The following SLC9A9 variants were observed in gnomAD, a reference collection of about 807,000 sequenced individuals.
SLC9A9 encodes the protein sodium/hydrogen exchanger 9.
Under a neutral mutation model 77.8 loss-of-function variants are expected in SLC9A9, and 62 were observed. The observed-to-expected ratio is 0.80, with a 90% CI of 0.65 to 0.98. SLC9A9 has a LOEUF of 0.98. Ranked by LOEUF, SLC9A9 falls within the 50% of genes least tolerant of loss-of-function variation. The pLI is 0.00. For synonymous variants in SLC9A9, 320 were observed against 283.5 expected, an observed-to-expected ratio of 1.13 and a Z score of -1.29; for missense variants, 775 against 774.9, an observed-to-expected ratio of 1.00 and a Z score of 0.00.
At chr3:143,777,314 T>G (rs1266155828) in intron 4 of SLC9A9, among the ~76,000 whole-genome samples, 1 of 152,190 alleles carries the variant, frequency 6.6e-6, no homozygotes, top group Non-Finnish European at 1.5e-5. Context: ...AGTATCAAAC[T>G]CTCTCTTCTG....
At chr3:143,739,135 TTTCTG>T (rs1219239257) in intron 4 of SLC9A9, among the ~76,000 whole-genome samples, 1 of 152,132 alleles carries the variant, frequency 6.6e-6, no homozygotes, top group African/African-American at 2.4e-5. Context: ...TGCCTTTGTC[TTTCTG>T]AAGACCAGTC....
chr3:143,410,449 A>C (rs2034075774), intron 12 of SLC9A9, among the ~76,000 whole-genome samples: 1 of 151,792 alleles, frequency 6.6e-6, no homozygotes. Flanking sequence ...ATCACCTTCC[A>C]CCTCATTACC....
intron 12 of SLC9A9, among the ~76,000 whole-genome samples, chr3:143,395,434 T>A (rs944075270): frequency 1.3e-5 from 2 of 152,186 alleles, no homozygotes; most frequent in South Asian, 4.1e-4. Flanking sequence ...TTACACCTTA[T>A]ACAAAAATTA....
chr3:143,802,154 A>G (rs2008581008), intron 2 of SLC9A9, among the ~76,000 whole-genome samples: 1 of 152,044 alleles, frequency 6.6e-6, no homozygotes, highest in African/African-American at 2.4e-5. Flanking sequence ...CCACCTGTCA[A>G]TCTCTTTCCA....
chr3:143,297,535 TA>T (rs1375714657), intron 14 of SLC9A9, among the ~76,000 whole-genome samples: 1 of 152,232 alleles, frequency 6.6e-6, no homozygotes, highest in African/African-American at 2.4e-5. Flanking sequence ...TGTGGTTCCA[TA>T]TGAATTTTGG....
At chr3:143,378,101 CT>C (rs2033221919) in intron 13 of SLC9A9, among the ~76,000 whole-genome samples, 1 of 152,220 alleles carries the variant, frequency 6.6e-6, no homozygotes, top group African/African-American at 2.4e-5. Flanking sequence ...CTCTGACCTG[CT>C]TTACTGTGAT....
chr3:143,625,561 T>C (rs2038307002), intron 6 of SLC9A9, among the ~76,000 whole-genome samples: 1 of 151,574 alleles, frequency 6.6e-6, no homozygotes, highest in South Asian at 2.1e-4. Context: ...TGGCTAGCCA[T>C]ATGTAGAAAG....
chr3:143,732,604 T>C (rs1448158495), intron 4 of SLC9A9, among the ~76,000 whole-genome samples: 3 of 152,230 alleles, frequency 2.0e-5, no homozygotes, highest in Non-Finnish European at 2.9e-5. Flanking sequence ...CCACTCTGAC[T>C]TTAACGTCTC....
intron 9 of SLC9A9, among the ~76,000 whole-genome samples, chr3:143,507,908 G>T (rs972507609): frequency 6.6e-6 from 1 of 152,130 alleles, no homozygotes; most frequent in Non-Finnish European, 1.5e-5. Flanking sequence ...GAGCAAGCAA[G>T]CTCTCACGTC....
intron 4 of SLC9A9, among the ~76,000 whole-genome samples, chr3:143,701,267 C>T (rs1933793618): frequency 6.6e-6 from 1 of 152,108 alleles, no homozygotes; most frequent in South Asian, 2.1e-4. Context: ...CCACAAGCAT[C>T]AAGACCACCG....
chr3:143,432,052 C>G (rs536438098), intron 12 of SLC9A9, among the ~76,000 whole-genome samples: 3 of 152,194 alleles, frequency 2.0e-5, no homozygotes, highest in Non-Finnish European at 4.4e-5. Flanking sequence ...TCTTCCTCTG[C>G]TCAATTTTTT....
chr3:143,724,646 G>C (rs1355380648), intron 4 of SLC9A9, among the ~76,000 whole-genome samples: 9 of 152,146 alleles, frequency 5.9e-5, no homozygotes, highest in Admixed American at 5.9e-4. Context: ...ACAAAAAGTA[G>C]CTCCTTCAAA....
intron 12 of SLC9A9, among the ~76,000 whole-genome samples, chr3:143,464,995 G>A (rs2035259602): frequency 6.6e-6 from 1 of 152,206 alleles, no homozygotes; most frequent in Non-Finnish European, 1.5e-5. Flanking sequence ...TCCCAGCTGA[G>A]ATCATCAACT....
At chr3:143,369,516 G>T (rs2032994292) in intron 13 of SLC9A9, among the ~76,000 whole-genome samples, 1 of 152,096 alleles carries the variant, frequency 6.6e-6, no homozygotes, top group African/African-American at 2.4e-5. Flanking sequence ...CTAATACAAA[G>T]AAATGAGAAA....
intron 9 of SLC9A9, among the ~76,000 whole-genome samples, chr3:143,501,848 C>T (rs919181777): frequency 2.0e-5 from 3 of 150,680 alleles, no homozygotes; most frequent in Non-Finnish European, 2.9e-5. Flanking sequence ...GCCAAAATCT[C>T]CTGAAGGCAT....
intron 9 of SLC9A9, among the ~76,000 whole-genome samples, chr3:143,545,392 C>A (rs1446640502): frequency 6.6e-6 from 1 of 152,154 alleles, no homozygotes; most frequent in Non-Finnish European, 1.5e-5. Context: ...TGCATGCATG[C>A]ATATGCATAT....
intron 8 of SLC9A9, among the ~76,000 whole-genome samples, chr3:143,567,637 A>G (rs2037189156): frequency 6.6e-6 from 1 of 152,136 alleles, no homozygotes; most frequent in Admixed American, 6.6e-5. Flanking sequence ...GGCAGGTGCA[A>G]TTTCCAAGAG....
intron 1 of SLC9A9, among the ~76,000 whole-genome samples, chr3:143,842,389 A>T (rs1477994840): frequency 1.3e-5 from 2 of 152,200 alleles, no homozygotes; most frequent in Non-Finnish European, 2.9e-5. Context: ...TCAAAAAAGC[A>T]AACAAACAAA....
rs114226887 is a variant in SLC9A9, at chr3:143,501,777, A to G, written c.1090-6329T>C. Among the ~76,000 whole-genome samples, 873 of 150,902 alleles carry G rather than the reference A, an allele frequency of 5.8e-3. 71 individuals are homozygous for G. The highest frequency in any genetic ancestry group is 0.021 in the African/African-American group (839 of 40,230). On this transcript the variant is annotated intron_variant, in intron 9 of 15. Coordinates refer to ENST00000316549, the MANE Select transcript of SLC9A9 (RefSeq NM_173653.4). ...TTTCTTTGAATGAACAGTCTTCATA[A>G]TAATTTCCTTCTTGGGGCATTTAAT...
Sources: allele counts gnomAD v4.1 joint callset (sites outside exome capture counted in the v4.1 genomes callset), GRCh38; gene constraint gnomAD v4.1.1; transcripts MANE v1.5; gene names NCBI Gene and HGNC (gene_info 2026-07-23, HGNC 2026-07-21).